SLC27A2: variants seen among roughly 807,000 people sequenced by gnomAD.
SLC27A2 encodes long-chain fatty acid transport protein 2.
A neutral mutation model predicts 60.0 loss-of-function variants in SLC27A2; 54 were observed. The ratio of observed to expected loss-of-function variants is 0.90; its 90% CI spans 0.72 to 1.13. The LOEUF is 1.13. SLC27A2 is among the 50% of genes most tolerant of loss of function. SLC27A2 has a pLI of 0.00. For missense variants in SLC27A2, 739 were observed against 777.6 expected (o/e 0.95, Z 0.59); for synonymous variants, 297 against 297.6 (o/e 1.00, Z 0.02).
intron 4 of SLC27A2, among the ~76,000 whole-genome samples, chr15:50,206,807 C>T (rs2045116836): frequency 6.6e-6 from 1 of 152,130 alleles, no homozygotes; most frequent in African/African-American, 2.4e-5. Flanking sequence ...TAAATCCTTG[C>T]CCCTGAAAAA....
chr15:50,222,183 C>T, intron 4 of SLC27A2, among the ~76,000 whole-genome samples: 1 of 152,180 alleles, frequency 6.6e-6, no homozygotes, highest in East Asian at 1.9e-4. Flanking sequence ...GTGATCTTTA[C>T]TTACAGCAAA....
intron 7 of SLC27A2, 26 bp downstream of exon 7, chr15:50,227,204 A>G: frequency 6.4e-7 from 1 of 1,570,554 alleles, no homozygotes; most frequent in South Asian, 1.1e-5. Flanking sequence ...TCATTGAGCC[A>G]AAAACAAACA....
chr15:50,212,060 G>C, intron 4 of SLC27A2, among the ~76,000 whole-genome samples: 1 of 115,018 alleles, frequency 8.7e-6, no homozygotes, highest in South Asian at 2.9e-4. Context: ...GACAGAGTGA[G>C]ACTCTGTCTC....
chr15:50,218,060 CAAAAAAAAA>C (rs34661754), intron 4 of SLC27A2, among the ~76,000 whole-genome samples: 5 of 63,898 alleles, frequency 7.8e-5, no homozygotes, highest in African/African-American at 1.4e-4. Flanking sequence ...GACTCTGTCT[CAAAAAAAAA>C]AAAAAAAAAA....
chr15:50,196,066 A>AATAAAAAAAAT (rs1567428304), intron 1 of SLC27A2, among the ~76,000 whole-genome samples: 1 of 23,776 alleles, frequency 4.2e-5, no homozygotes, highest in Non-Finnish European at 8.9e-5. Flanking sequence ...AAAAAAAAAA[A>AATAAAAAAAAT]AAAAAAAAAA....
At chr15:50,231,818 T>C (rs2045318772) in intron 8 of SLC27A2, among the ~76,000 whole-genome samples, 1 of 152,056 alleles carries the variant, frequency 6.6e-6, no homozygotes, top group African/African-American at 2.4e-5. Flanking sequence ...TGATCAGAAC[T>C]AAAACCAATG....
At chr15:50,206,068 C>G (rs2045109480) in intron 4 of SLC27A2, among the ~76,000 whole-genome samples, 1 of 152,190 alleles carries the variant, frequency 6.6e-6, no homozygotes, top group Non-Finnish European at 1.5e-5. Flanking sequence ...TCCCTCAACT[C>G]TCATCAGAGA....
intron 2 of SLC27A2, among the ~76,000 whole-genome samples, chr15:50,200,164 C>T (rs1029573776): frequency 1.3e-5 from 2 of 152,132 alleles, no homozygotes; most frequent in African/African-American, 2.4e-5. Flanking sequence ...CATGATGGCT[C>T]ATATCTATAA....
chr15:50,235,112 T>G (rs1171753363), intron 9 of SLC27A2, among the ~76,000 whole-genome samples: 3 of 152,324 alleles, frequency 2.0e-5, no homozygotes, highest in Admixed American at 1.3e-4. Context: ...CTTTGAGCTC[T>G]GTGATTCTGT....
intron 1 of SLC27A2, among the ~76,000 whole-genome samples, chr15:50,188,982 A>ATAAATAG (rs2044949466): frequency 1.7e-3 from 237 of 135,526 alleles, no homozygotes; most frequent in African/African-American, 6.7e-3. Context: ...TAGATAGATA[A>ATAAATAG]ATAGATAGAT....
intron 1 of SLC27A2, among the ~76,000 whole-genome samples, chr15:50,190,171 T>C (rs2044961989): frequency 2.0e-5 from 3 of 152,334 alleles, no homozygotes; most frequent in South Asian, 4.1e-4. Context: ...AAACTGCCAA[T>C]GATTGAGATG....
intron 1 of SLC27A2, among the ~76,000 whole-genome samples, chr15:50,188,615 C>T (rs1359267192): frequency 6.6e-6 from 1 of 152,174 alleles, no homozygotes; most frequent in Non-Finnish European, 1.5e-5. Flanking sequence ...TCTCATATAT[C>T]TTTGAATAAT....
intron 1 of SLC27A2, among the ~76,000 whole-genome samples, chr15:50,194,132 C>G (rs564781435): frequency 2.1e-3 from 321 of 152,214 alleles, no homozygotes; most frequent in African/African-American, 7.5e-3. Context: ...GGAGACAGAG[C>G]AGGACCCTGT....
At chr15:50,188,638 T>C (rs1390897734) in intron 1 of SLC27A2, among the ~76,000 whole-genome samples, 1 of 152,204 alleles carries the variant, frequency 6.6e-6, no homozygotes, top group Non-Finnish European at 1.5e-5. Context: ...CCTAGTAATG[T>C]CTAGCACATA....
chr15:50,202,420 A>G, intron 2 of SLC27A2, 67 bp from the exon 3 acceptor site: 1 of 1,519,082 alleles, frequency 6.6e-7, no homozygotes, highest in Non-Finnish European at 9.1e-7. Context: ...CCTAAGCCAG[A>G]TCTCTCTCCT....
intron 4 of SLC27A2, among the ~76,000 whole-genome samples, chr15:50,210,902 G>T (rs1041172601): frequency 1.3e-5 from 2 of 152,156 alleles, no homozygotes; most frequent in East Asian, 3.8e-4. Context: ...ACTCAGCAGA[G>T]ACAGCCATAA....
At chr15:50,218,520 A>G (rs2045219182) in intron 4 of SLC27A2, among the ~76,000 whole-genome samples, 2 of 152,170 alleles carry the variant, frequency 1.3e-5, no homozygotes, top group Non-Finnish European at 2.9e-5. Flanking sequence ...ATTTAAGACT[A>G]CCAAAAAAAG....
intron 7 of SLC27A2, among the ~76,000 whole-genome samples, chr15:50,227,897 C>T (rs1437096056): frequency 1.3e-5 from 2 of 152,190 alleles, no homozygotes; most frequent in African/African-American, 4.8e-5. Flanking sequence ...GAACCAGGCT[C>T]ACCTCTCCCA....
At chr15:50,232,152 C>T (rs923010962) in intron 8 of SLC27A2, among the ~76,000 whole-genome samples, 6 of 152,244 alleles carry the variant, frequency 3.9e-5, no homozygotes, top group Admixed American at 3.9e-4. Flanking sequence ...CATCATTCCA[C>T]TATGGGTGAT....
Sources: gnomAD v4.1 joint callset for allele counts (sites outside exome capture counted in the v4.1 genomes callset) on GRCh38, gnomAD v4.1.1 for gene constraint, MANE v1.5 for transcripts, NCBI Gene and HGNC (gene_info 2026-07-23, HGNC 2026-07-21) for gene names.